The following PCDH9 variants were observed in gnomAD, a reference collection of about 807,000 sequenced individuals.
PCDH9 encodes the protein protocadherin 9.
PCDH9 carries 24 observed loss-of-function variants against 70.6 expected under a neutral mutation model. That is an observed-to-expected ratio of 0.34 (90% CI 0.25 to 0.48). The LOEUF is 0.48. Ranked by LOEUF, PCDH9 falls within the 20% of genes least tolerant of loss-of-function variation. PCDH9 has a pLI of 0.99. For synonymous variants in PCDH9, 562 were observed against 558.5 expected (o/e 1.01, Z -0.09); for missense variants, 1,281 against 1,503.6 (o/e 0.85, Z 2.45).
intron 3 of PCDH9, among the ~76,000 whole-genome samples, chr13:66,652,042 A>C (rs1329030181): frequency 2.0e-5 from 3 of 152,108 alleles, no homozygotes; most frequent in Non-Finnish European, 4.4e-5. Flanking sequence ...ACAGACCCAG[A>C]GCTAGTGTCA....
At chr13:67,131,689 A>G (rs934536729) in intron 2 of PCDH9, among the ~76,000 whole-genome samples, 11 of 152,212 alleles carry the variant, frequency 7.2e-5, no homozygotes, top group Admixed American at 7.2e-4. Flanking sequence ...AAGAAATAGC[A>G]TATCAAAGAA....
At chr13:66,678,375 G>T (rs770962799) in intron 3 of PCDH9, among the ~76,000 whole-genome samples, 1 of 152,020 alleles carries the variant, frequency 6.6e-6, no homozygotes, top group Non-Finnish European at 1.5e-5. Flanking sequence ...TAGAAGTATA[G>T]ATGTTAGATC....
At chr13:66,552,970 GA>G (rs1239448292) in intron 4 of PCDH9, among the ~76,000 whole-genome samples, 1 of 152,048 alleles carries the variant, frequency 6.6e-6, no homozygotes, top group Non-Finnish European at 1.5e-5. Flanking sequence ...GCCAAAGGGG[GA>G]AAATTCCCTT....
At chr13:66,475,590 A>G (rs899812470) in intron 4 of PCDH9, among the ~76,000 whole-genome samples, 3 of 151,974 alleles carry the variant, frequency 2.0e-5, no homozygotes, top group East Asian at 3.9e-4. Context: ...CCCTTTCACA[A>G]TATTTTCTTA....
In PCDH9 at chr13:67,063,623, T is replaced by A. The variant is rs533435641; in HGVS notation, c.3037-160018A>T. Among the ~76,000 whole-genome samples, 5 of 152,200 alleles carry A rather than the reference T, an allele frequency of 3.3e-5. No individual in the cohort carries two copies. In the South Asian group the frequency reaches 1.0e-3, roughly 32 times the overall value. The stretch of plus-strand genomic sequence containing the variant: ...GCCGATTTGCCAATGAGGTCTCACA[T>A]GCTTTTTAATTCGTTGCTTTAAAAA... On this transcript the variant is annotated intron_variant, in intron 2 of 4. Coordinates refer to ENST00000377865, the MANE Select transcript of PCDH9 (RefSeq NM_203487.3).
At chr13:66,395,845 G>A (rs931210072) in intron 4 of PCDH9, among the ~76,000 whole-genome samples, 8 of 151,990 alleles carry the variant, frequency 5.3e-5, no homozygotes, top group African/African-American at 1.4e-4. Flanking sequence ...TTTTTGTGCT[G>A]TATTCTGATT....
chr13:66,466,245 G>A lies in PCDH9; in HGVS notation c.3341-161217C>T, dbSNP rs1235040837. 2.7e-5 allele frequency among the ~76,000 whole-genome samples: 4 copies of A among 150,454 alleles called. No individual in the cohort carries two copies. In the Admixed American group the frequency reaches 2.7e-4, roughly 10 times the overall value. ...CTCCCCAACCATGCACAAGTGAGAA[G>A]AAGTTAGAAATATCTTTTACTGTCC... On this transcript the variant is annotated intron_variant, in intron 4 of 4. Transcript: ENST00000377865.
At chr13:66,774,156 T>A (rs1314068903) in intron 3 of PCDH9, among the ~76,000 whole-genome samples, 5 of 152,164 alleles carry the variant, frequency 3.3e-5, no homozygotes, top group Non-Finnish European at 5.9e-5. Context: ...ATAACCTGCT[T>A]CAACTTGCAG....
intron 3 of PCDH9, among the ~76,000 whole-genome samples, chr13:66,781,503 A>C (rs2079997900): frequency 6.6e-6 from 1 of 152,182 alleles, no homozygotes; most frequent in Admixed American, 6.5e-5. Context: ...TATAATTAGT[A>C]GAGGCTTGGT....
intron 4 of PCDH9, among the ~76,000 whole-genome samples, chr13:66,544,720 GT>G (rs1195998652): frequency 2.6e-5 from 4 of 152,220 alleles, no homozygotes; most frequent in African/African-American, 9.6e-5. Context: ...TAACTTCCAG[GT>G]TTTTGCCATG....
chr13:67,103,369 T>C (rs768164468), intron 2 of PCDH9, among the ~76,000 whole-genome samples: 2 of 152,198 alleles, frequency 1.3e-5, no homozygotes, highest in Non-Finnish European at 2.9e-5. Context: ...TGAAAGGCTT[T>C]AAAATCTTCC....
intron 4 of PCDH9, among the ~76,000 whole-genome samples, chr13:66,473,345 C>A (rs1352679576): frequency 2.6e-5 from 4 of 151,432 alleles, no homozygotes; most frequent in Non-Finnish European, 5.9e-5. Flanking sequence ...ATTTCTAATA[C>A]AAATACGAAT....
chr13:67,220,028 C>A (rs933951582), intron 2 of PCDH9: 1 of 151,576 alleles, frequency 6.6e-6, no homozygotes, highest in Non-Finnish European at 1.5e-5. Flanking sequence ...TGTAAAAGAG[C>A]AATACAGACA....
chr13:67,181,743 G>C (rs1177784381), intron 2 of PCDH9, among the ~76,000 whole-genome samples: 2 of 151,922 alleles, frequency 1.3e-5, no homozygotes, highest in East Asian at 1.9e-4. Context: ...GGACACAAAA[G>C]TGACTAAAAA....
intron 3 of PCDH9, among the ~76,000 whole-genome samples, chr13:66,843,072 G>A (rs77233821): frequency 0.03 from 4,598 of 152,312 alleles, 236 homozygotes; most frequent in African/African-American, 0.1. Context: ...ACTATCGGCA[G>A]TGAACTTCAG....
chr13:66,755,202 T>TATC (rs2079521486), intron 3 of PCDH9, among the ~76,000 whole-genome samples: 1 of 151,484 alleles, frequency 6.6e-6, no homozygotes, highest in Admixed American at 6.6e-5. Context: ...GGGAACAGAA[T>TATC]AAATTTAATT....
In PCDH9 at chr13:66,463,526, GTATT is replaced by G. The variant is rs1958462899; in HGVS notation, c.3341-158502_3341-158499del. ...AAGGTCTGTCAAACAGGATTTGTAA[GTATT>G]TATTGTGCATTTAAAACACAGGTTT... On this transcript the variant is annotated intron_variant, in intron 4 of 4. Transcript: ENST00000377865. Among the ~76,000 whole-genome samples, 3 of 151,952 alleles carry G rather than the reference GTATT, an allele frequency of 2.0e-5. No individual in the cohort carries two copies. In the South Asian group the frequency reaches 6.2e-4, roughly 31 times the overall value.
At chr13:66,486,169 C>T (rs536028600) in intron 4 of PCDH9, among the ~76,000 whole-genome samples, 3 of 152,140 alleles carry the variant, frequency 2.0e-5, no homozygotes, top group East Asian at 1.9e-4. Context: ...AGGCCAGATG[C>T]GATGGCTCAT....
In PCDH9 at chr13:66,765,802, G is replaced by A. The variant is rs2079706320; in HGVS notation, c.3139-134391C>T. 2.0e-5 allele frequency among the ~76,000 whole-genome samples: 3 copies of A among 152,192 alleles called. No homozygotes were observed. In the South Asian group the frequency reaches 6.2e-4, roughly 32 times the overall value. The stretch of plus-strand genomic sequence containing the variant: ...GTTTAGCTGTGGGAGAAAGAAAGAG[G>A]TGGAGCTGGAGTTGTCTTACAAAGG... On this transcript the variant is annotated intron_variant, in intron 3 of 4. Coordinates refer to ENST00000377865, the MANE Select transcript of PCDH9 (RefSeq NM_203487.3).
Sources: allele counts gnomAD v4.1 joint callset (sites outside exome capture counted in the v4.1 genomes callset), GRCh38; gene constraint gnomAD v4.1.1; transcripts MANE v1.5; gene names NCBI Gene and HGNC (gene_info 2026-07-23, HGNC 2026-07-21).